Variants in RASAL2 observed in about 807,000 individuals in gnomAD.
RASAL2 encodes the protein RAS protein activator like 2.
A neutral mutation model predicts 128.9 loss-of-function variants in RASAL2; 58 were observed. That is an observed-to-expected ratio of 0.45 (90% CI 0.36 to 0.56). RASAL2 has a LOEUF of 0.56. Ranked by LOEUF, RASAL2 falls within the 20% of genes least tolerant of loss-of-function variation. The pLI, the probability that RASAL2 is intolerant of heterozygous loss-of-function variation, is 0.00. For missense variants in RASAL2, 1,360 were observed against 1,601.6 expected (o/e 0.85, Z 2.57); for synonymous variants, 561 against 580.8 (o/e 0.97, Z 0.49).
intron 1 of RASAL2, among the ~76,000 whole-genome samples, chr1:178,182,024 T>G (rs955586171): frequency 1.3e-5 from 2 of 152,222 alleles, no homozygotes; most frequent in Admixed American, 6.5e-5. Context: ...ACTTAAGGAA[T>G]GATGTGTTAT....
intron 3 of RASAL2, among the ~76,000 whole-genome samples, chr1:178,375,338 A>G (rs748248325): frequency 4.6e-5 from 7 of 152,148 alleles, no homozygotes; most frequent in Admixed American, 6.5e-5. Flanking sequence ...ACTAGTGACA[A>G]TTTTATCCTG....
intron 1 of RASAL2, among the ~76,000 whole-genome samples, chr1:178,212,549 T>C (rs1171679332): frequency 1.3e-5 from 2 of 152,144 alleles, no homozygotes. Context: ...TGGAGTGCAG[T>C]GGCATGATCT....
At position 178,094,699 on chromosome 1, in the gene RASAL2, G is replaced by C. The variant is rs568462356; in HGVS notation, c.202+5G>C. 1 of 1,614,002 alleles carries C rather than the reference G, an allele frequency of 6.2e-7. No homozygotes were observed. The highest frequency in any genetic ancestry group is 1.7e-5 in the Admixed American group (1 of 60,038). On this transcript the variant is annotated splice_donor_5th_base_variant and intron_variant, in intron 1 of 17. Transcript: ENST00000367649. ...AGAGCTGGGTCCGGGTGTACGGTAAGGACCACAGGCCGTCTTAGAGGCTGG... is the reference window on the plus strand; with the variant it reads ...AGAGCTGGGTCCGGGTGTACGGTAACGACCACAGGCCGTCTTAGAGGCTGG...
At chr1:178,298,959 C>T (rs1030822122) in intron 2 of RASAL2, among the ~76,000 whole-genome samples, 3 of 151,576 alleles carry the variant, frequency 2.0e-5, no homozygotes, top group African/African-American at 7.3e-5. Context: ...TTGAACCATC[C>T]CATTACTCTA....
intron 1 of RASAL2, among the ~76,000 whole-genome samples, chr1:178,147,096 A>G (rs1035420602): frequency 2.6e-5 from 4 of 151,660 alleles, no homozygotes; most frequent in African/African-American, 9.8e-5. Context: ...TTGTCAGTGT[A>G]GATACTTGTG....
chr1:178,315,120 C>T (rs577159851), intron 3 of RASAL2, among the ~76,000 whole-genome samples: 5,541 of 139,854 alleles, frequency 0.04, 402 homozygotes, highest in African/African-American at 0.14. Flanking sequence ...GACATGAACT[C>T]ATCATTTTTT....
intron 1 of RASAL2, among the ~76,000 whole-genome samples, chr1:178,149,165 T>C (rs1660829405): frequency 6.6e-6 from 1 of 152,188 alleles, no homozygotes; most frequent in Non-Finnish European, 1.5e-5. Context: ...AATTTGGGTA[T>C]TAATGATATG....
chr1:178,407,233 T>C (rs1031292467), intron 4 of RASAL2, among the ~76,000 whole-genome samples: 2 of 152,242 alleles, frequency 1.3e-5, no homozygotes, highest in Non-Finnish European at 2.9e-5. Flanking sequence ...TCTCCCTTCC[T>C]GTTTGGACTT....
intron 3 of RASAL2, among the ~76,000 whole-genome samples, chr1:178,318,889 C>T (rs146956553): frequency 0.044 from 6,702 of 151,894 alleles, 399 homozygotes; most frequent in African/African-American, 0.14. Context: ...TGCCTAGTCT[C>T]GATGGTCTTT....
At chr1:178,436,289 G>A (rs1557987332) in intron 5 of RASAL2, among the ~76,000 whole-genome samples, 1 of 151,930 alleles carries the variant, frequency 6.6e-6, no homozygotes, top group Non-Finnish European at 1.5e-5. Flanking sequence ...CGTGACTTTG[G>A]TTTTCAATTC....
intron 1 of RASAL2, among the ~76,000 whole-genome samples, chr1:178,208,433 C>T (rs1232454472): frequency 6.6e-6 from 1 of 152,048 alleles, no homozygotes; most frequent in African/African-American, 2.4e-5. Flanking sequence ...GACTGAGATA[C>T]GCCCTGGTCT....
intron 1 of RASAL2, among the ~76,000 whole-genome samples, chr1:178,230,732 G>A (rs1663972862): frequency 6.6e-6 from 1 of 152,122 alleles, no homozygotes; most frequent in Non-Finnish European, 1.5e-5. Flanking sequence ...TGAAAAGGAA[G>A]TAAAATACAC....
At chr1:178,132,415 T>C (rs146912637) in intron 1 of RASAL2, among the ~76,000 whole-genome samples, 1 of 152,226 alleles carries the variant, frequency 6.6e-6, no homozygotes, top group African/African-American at 2.4e-5. Flanking sequence ...TTACCTGTTT[T>C]CTTATTTCTT....
intron 1 of RASAL2, among the ~76,000 whole-genome samples, chr1:178,248,794 A>G (rs971462271): frequency 4.6e-5 from 7 of 152,122 alleles, no homozygotes; most frequent in Non-Finnish European, 1.0e-4. Context: ...TCCTTCATTT[A>G]TGAAGCTTAG....
At chr1:178,355,435 A>C (rs1292150583) in intron 3 of RASAL2, among the ~76,000 whole-genome samples, 1 of 152,202 alleles carries the variant, frequency 6.6e-6, no homozygotes, top group African/African-American at 2.4e-5. Flanking sequence ...ATATGGAAAA[A>C]TAAAGTGGAA....
chr1:178,339,048 A>G (rs1285175401), intron 3 of RASAL2, among the ~76,000 whole-genome samples: 4 of 152,184 alleles, frequency 2.6e-5, no homozygotes, highest in African/African-American at 9.6e-5. Flanking sequence ...AAACCTTTTT[A>G]AAGTATTTAG....
chr1:178,422,124 AT>A (rs563722163), intron 5 of RASAL2, among the ~76,000 whole-genome samples: 9 of 150,134 alleles, frequency 6.0e-5, no homozygotes, highest in Non-Finnish European at 7.4e-5. Flanking sequence ...GGGAGACAAG[AT>A]TTTTTTTTTA....
At chr1:178,330,754 T>C (rs1669259458) in intron 3 of RASAL2, among the ~76,000 whole-genome samples, 2 of 152,160 alleles carry the variant, frequency 1.3e-5, no homozygotes, top group African/African-American at 4.8e-5. Flanking sequence ...AAATACTATG[T>C]CAAATGGGGG....
chr1:178,115,546 A>C (rs1167219356), intron 1 of RASAL2, among the ~76,000 whole-genome samples: 1 of 152,230 alleles, frequency 6.6e-6, no homozygotes, highest in Non-Finnish European at 1.5e-5. Context: ...ACACATGCAA[A>C]GGTTCTGGTG....
Sources: gnomAD v4.1 joint callset for allele counts (sites outside exome capture counted in the v4.1 genomes callset) on GRCh38, gnomAD v4.1.1 for gene constraint, MANE v1.5 for transcripts, NCBI Gene and HGNC (gene_info 2026-07-23, HGNC 2026-07-21) for gene names.